Variants in FAF1 observed in about 807,000 individuals in gnomAD.
The protein encoded by FAF1 is Fas associated factor 1.
In FAF1, 25 loss-of-function variants were observed where a neutral mutation model predicts 92.5. That is an observed-to-expected ratio of 0.27 (90% CI 0.20 to 0.38). The LOEUF is 0.38. Ranked by LOEUF, FAF1 falls within the 10% of genes least tolerant of loss-of-function variation. The pLI, the probability that FAF1 is intolerant of heterozygous loss-of-function variation, is 1.00. For missense variants in FAF1, 636 were observed against 793.3 expected (o/e 0.80, Z 2.38); for synonymous variants, 234 against 273.2 (o/e 0.86, Z 1.42).
chr1:50,528,318 C>T (rs1310715657), intron 15 of FAF1, among the ~76,000 whole-genome samples: 1 of 152,044 alleles, frequency 6.6e-6, no homozygotes, highest in Non-Finnish European at 1.5e-5. Context: ...CTGCTTTTAG[C>T]AATAGATTTT....
intron 4 of FAF1, among the ~76,000 whole-genome samples, chr1:50,755,310 A>G (rs1243381647): frequency 2.6e-5 from 4 of 152,226 alleles, no homozygotes; most frequent in African/African-American, 9.6e-5. Context: ...GCTCCATGAA[A>G]GTCCAAAATC....
chr1:50,577,353 C>T (rs1197631698), intron 12 of FAF1, among the ~76,000 whole-genome samples: 3 of 152,046 alleles, frequency 2.0e-5, no homozygotes, highest in Non-Finnish European at 2.9e-5. Flanking sequence ...GGTGAAACCC[C>T]GTCTGTACTA....
intron 1 of FAF1, among the ~76,000 whole-genome samples, chr1:50,932,865 A>G (rs990770256): frequency 2.6e-5 from 4 of 152,210 alleles, no homozygotes; most frequent in Admixed American, 2.0e-4. Context: ...AGAAGTTCTC[A>G]AACCTCAATT....
At chr1:50,884,592 G>A (rs891234977) in intron 1 of FAF1, among the ~76,000 whole-genome samples, 2 of 151,982 alleles carry the variant, frequency 1.3e-5, no homozygotes, top group South Asian at 2.1e-4. Context: ...ACCATCCTTG[G>A]ATCTCTCAGA....
chr1:50,750,985 A>T (rs1165528842), intron 4 of FAF1, among the ~76,000 whole-genome samples: 1 of 128,108 alleles, frequency 7.8e-6, no homozygotes, highest in African/African-American at 3.2e-5. Flanking sequence ...TTTTTTTTTT[A>T]ACATGAAATG....
intron 17 of FAF1, among the ~76,000 whole-genome samples, chr1:50,481,548 C>T (rs1212689064): frequency 6.6e-6 from 1 of 152,110 alleles, no homozygotes; most frequent in Non-Finnish European, 1.5e-5. Context: ...GTGTAGCAGG[C>T]TATACTATCT....
Position 50,639,241 on chromosome 1 carries a change from T to C in FAF1, c.744+16201A>G, listed in dbSNP as rs145243806. On this transcript the variant is annotated intron_variant, in intron 8 of 18. Transcript: ENST00000396153. ...GCATCTGGGTTTTGTCTACTATAAA[T>C]AAAGCTCCAATAAAAATTCAAGTAC... Among the ~76,000 whole-genome samples, 10 of 152,336 alleles carry C rather than the reference T, an allele frequency of 6.6e-5. No individual in the cohort carries two copies. The East Asian group carries it at 1.9e-3, about 29-fold the overall frequency.
At chr1:50,501,821 T>C (rs1330619565) in intron 15 of FAF1, among the ~76,000 whole-genome samples, 2 of 152,232 alleles carry the variant, frequency 1.3e-5, no homozygotes, top group Non-Finnish European at 1.5e-5. Flanking sequence ...ATCTACTGTA[T>C]GTATGATCCA....
chr1:50,586,630 G>A lies in FAF1; in HGVS notation c.841-1819C>T, dbSNP rs750843394. Among the ~76,000 whole-genome samples, 9 of 152,042 alleles carry A rather than the reference G, an allele frequency of 5.9e-5. No individual in the cohort carries two copies. In the South Asian group the frequency reaches 6.3e-4, roughly 11 times the overall value. ...CTGCCATCTTAACTCTACTTCTCAC[G>A]GAAACACTGGTCCTCCTCCCTTAAT... On this transcript the variant is annotated intron_variant, in intron 9 of 18. Transcript: ENST00000396153.
intron 13 of FAF1, among the ~76,000 whole-genome samples, chr1:50,562,149 C>A (rs1649947835): frequency 6.6e-6 from 1 of 152,134 alleles, no homozygotes; most frequent in Non-Finnish European, 1.5e-5. Context: ...AGCACTCATT[C>A]ATTAAGAATA....
chr1:50,895,175 T>TA (rs1004483178), intron 1 of FAF1, among the ~76,000 whole-genome samples: 3 of 151,728 alleles, frequency 2.0e-5, no homozygotes, highest in Admixed American at 6.6e-5. Flanking sequence ...AGTCAGAGAT[T>TA]AAAAAAAATT....
Position 50,519,776 on chromosome 1 carries a change from C to A in FAF1, c.1494+15593G>T, listed in dbSNP as rs533830715. On this transcript the variant is annotated intron_variant, in intron 15 of 18. Transcript: ENST00000396153. ...AATCTAACCATCAATTGGAAAAGTA[C>A]CCTTCTTTCTTCTAGAAGATACTTC... Among the ~76,000 whole-genome samples the A allele has an allele frequency of 4.6e-5, 7 of 152,136 alleles. No homozygotes were observed. In the South Asian group the frequency reaches 1.2e-3, roughly 27 times the overall value.
intron 13 of FAF1, among the ~76,000 whole-genome samples, chr1:50,541,649 A>G (rs1335650614): frequency 1.3e-5 from 2 of 152,196 alleles, no homozygotes; most frequent in African/African-American, 4.8e-5. Flanking sequence ...CCAATGGATT[A>G]ATTAAGCAGA....
At chr1:50,735,477 A>C (rs1659098493) in intron 6 of FAF1, among the ~76,000 whole-genome samples, 2 of 152,236 alleles carry the variant, frequency 1.3e-5, no homozygotes, top group Non-Finnish European at 2.9e-5. Flanking sequence ...ATAGGCACTC[A>C]TATGGTAATT....
intron 13 of FAF1, among the ~76,000 whole-genome samples, chr1:50,559,981 G>C (rs945988125): frequency 6.6e-6 from 1 of 152,198 alleles, no homozygotes; most frequent in Non-Finnish European, 1.5e-5. Context: ...TTAGTACCCT[G>C]ACCACAACAT....
chr1:50,746,386 C>T (rs1208804846), intron 4 of FAF1, among the ~76,000 whole-genome samples: 1 of 143,370 alleles, frequency 7.0e-6, no homozygotes, highest in Non-Finnish European at 1.5e-5. Flanking sequence ...TCACCACAAC[C>T]TCTGCCTCCT....
At chr1:50,862,388 C>T (rs1187932062) in intron 1 of FAF1, among the ~76,000 whole-genome samples, 1 of 151,734 alleles carries the variant, frequency 6.6e-6, no homozygotes, top group East Asian at 1.9e-4. Flanking sequence ...ATAGAGAACG[C>T]TGGATAGAGA....
intron 1 of FAF1, among the ~76,000 whole-genome samples, chr1:50,895,123 A>G (rs1002094983): frequency 1.1e-4 from 16 of 152,156 alleles, no homozygotes; most frequent in African/African-American, 3.6e-4. Context: ...AAAAAAATTG[A>G]CAAATCTTTA....
intron 13 of FAF1, among the ~76,000 whole-genome samples, chr1:50,562,024 A>G (rs1649941223): frequency 6.6e-6 from 1 of 152,222 alleles, no homozygotes; most frequent in Non-Finnish European, 1.5e-5. Context: ...ATATTATGGG[A>G]GCATACAGAA....
Sources: gnomAD v4.1 joint callset for allele counts (sites outside exome capture counted in the v4.1 genomes callset) on GRCh38, gnomAD v4.1.1 for gene constraint, MANE v1.5 for transcripts, NCBI Gene and HGNC (gene_info 2026-07-23, HGNC 2026-07-21) for gene names.